FBXW8: variants seen among roughly 807,000 people sequenced by gnomAD.
FBXW8 encodes F-box and WD repeat domain containing 8.
Under a neutral mutation model 65.3 loss-of-function variants are expected in FBXW8, and 57 were observed. The observed-to-expected ratio is 0.87, with a 90% confidence interval of 0.71 to 1.09. The LOEUF (loss-of-function observed/expected upper bound fraction) is 1.09, where lower values mean the gene tolerates loss of function less well. Ranked by LOEUF, FBXW8 falls within the 50% of genes least tolerant of loss-of-function variation. The pLI, the probability that FBXW8 is intolerant of heterozygous loss-of-function variation, is 0.00. For synonymous variants in FBXW8, 308 were observed against 330.2 expected, an observed-to-expected ratio of 0.93 and a Z score of 0.73; for missense variants, 777 against 814.8, an observed-to-expected ratio of 0.95 and a Z score of 0.57.
intron 8 of FBXW8, among the ~76,000 whole-genome samples, chr12:117,021,976 G>A (rs573629424): frequency 2.0e-5 from 3 of 152,094 alleles, no homozygotes; most frequent in Non-Finnish European, 4.4e-5. Flanking sequence ...TGTTTCACTC[G>A]GATATGTAGT....
chr12:116,999,602 C>CACA (rs1172384440), intron 7 of FBXW8, among the ~76,000 whole-genome samples: 1 of 151,896 alleles, frequency 6.6e-6, no homozygotes, highest in Non-Finnish European at 1.5e-5. Context: ...GTCCACCTGT[C>CACA]AGTGCCCCTC....
intron 10 of FBXW8, 59 bp from the exon 11 acceptor site, chr12:117,027,969 G>T (rs984865759): frequency 3.0e-5 from 48 of 1,605,996 alleles, no homozygotes; most frequent in Admixed American, 5.0e-5. Context: ...GACAGAAGCG[G>T]CTGGGGTGAG....
At chr12:116,937,994 G>A (rs1882284177) in intron 2 of FBXW8, among the ~76,000 whole-genome samples, 2 of 152,082 alleles carry the variant, frequency 1.3e-5, no homozygotes, top group South Asian at 4.2e-4. Flanking sequence ...GTGTATTAAA[G>A]AAAGACCATT....
At chr12:116,963,834 T>C (rs1395662387) in intron 4 of FBXW8, among the ~76,000 whole-genome samples, 1 of 152,224 alleles carries the variant, frequency 6.6e-6, no homozygotes, top group Non-Finnish European at 1.5e-5. Flanking sequence ...CATGAGGCCC[T>C]TAAAGGCATT....
intron 1 of FBXW8, among the ~76,000 whole-genome samples, chr12:116,916,415 C>A (rs1166807625): frequency 6.6e-6 from 1 of 152,204 alleles, no homozygotes; most frequent in Admixed American, 6.5e-5. Context: ...TTGACCCCAG[C>A]ATGGGCAAGA....
At position 116,936,736 on chromosome 12, in the gene FBXW8, T is replaced by G. The variant is rs1226071763; in HGVS notation, c.423+8609T>G. On this transcript the variant is annotated intron_variant, in intron 2 of 10. Coordinates refer to ENST00000652555, the MANE Select transcript of FBXW8 (RefSeq NM_153348.3). This position sits in a 1 kb window ranked among gnomAD's most constrained non-coding sequence, Gnocchi z 4.6. ...CTGTATTGTTTTAAGCAGCTAAGTT[T>G]GTAGTAGTTTGTTAGCGCAGCCATA... Among the ~76,000 whole-genome samples, 3 of 152,266 alleles carry G rather than the reference T, an allele frequency of 2.0e-5. No individual in the cohort carries two copies. The highest frequency in any genetic ancestry group is 2.1e-4 in the South Asian group (1 of 4,812).
chr12:116,912,171 GTTTTT>G (rs57142470), intron 1 of FBXW8, among the ~76,000 whole-genome samples: 13 of 131,016 alleles, frequency 9.9e-5, no homozygotes, highest in African/African-American at 3.3e-4. Flanking sequence ...TTTTTTTCCT[GTTTTT>G]TTTTTTTTTT....
At chr12:117,001,551 A>G (rs1953520462) in intron 7 of FBXW8, among the ~76,000 whole-genome samples, 1 of 152,186 alleles carries the variant, frequency 6.6e-6, no homozygotes, top group Non-Finnish European at 1.5e-5. Context: ...AATAGTATGC[A>G]AGTTGCCTTT....
intron 7 of FBXW8, among the ~76,000 whole-genome samples, chr12:116,999,556 C>T (rs1241220774): frequency 6.6e-6 from 1 of 152,214 alleles, no homozygotes; most frequent in Non-Finnish European, 1.5e-5. Flanking sequence ...TGGCTCGCCC[C>T]TGCCCTTTCC....
chr12:117,021,824 C>T (rs539098377), intron 8 of FBXW8, among the ~76,000 whole-genome samples: 1 of 152,204 alleles, frequency 6.6e-6, no homozygotes, highest in African/African-American at 2.4e-5. Flanking sequence ...ATGGTGGTGC[C>T]AGTGCCTCAC....
chr12:116,979,016 A>G (rs1404239196), intron 5 of FBXW8: 1 of 152,218 alleles, frequency 6.6e-6, no homozygotes, highest in African/African-American at 2.4e-5. Context: ...CTAATTGTTT[A>G]GGCAAATAGC....
chr12:117,026,556 G>T (rs1388707980), intron 9 of FBXW8, among the ~76,000 whole-genome samples: 1 of 152,132 alleles, frequency 6.6e-6, no homozygotes, highest in Non-Finnish European at 1.5e-5. Flanking sequence ...TAGTCAAGGA[G>T]AGCAGCCCTG....
At chr12:116,930,676 G>C (rs1881699014) in intron 2 of FBXW8, among the ~76,000 whole-genome samples, 1 of 151,998 alleles carries the variant, frequency 6.6e-6, no homozygotes, top group African/African-American at 2.4e-5. Flanking sequence ...TGTTTTTGTT[G>C]CCTGTTCTTT....
At chr12:116,916,107 T>C (rs1880386672) in intron 1 of FBXW8, among the ~76,000 whole-genome samples, 3 of 152,176 alleles carry the variant, frequency 2.0e-5, no homozygotes, top group Admixed American at 2.0e-4. Flanking sequence ...CTACTGTTGA[T>C]GGGAATTGTT....
Position 116,912,755 on chromosome 12 carries a change from G to T in FBXW8, c.318+1400G>T, listed in dbSNP as rs80166605. Reference sequence around the variant, plus strand: ...TGGGATTACAGGCGTGAGCCACCGCGCCCGGCCGAGAATAATTCTTTTAAG... The same window carrying T: ...TGGGATTACAGGCGTGAGCCACCGCTCCCGGCCGAGAATAATTCTTTTAAG... On this transcript the variant is annotated intron_variant, in intron 1 of 10. Coordinates refer to ENST00000652555, the MANE Select transcript of FBXW8 (RefSeq NM_153348.3). Among the ~76,000 whole-genome samples, 1,161 of 152,222 alleles carry T rather than the reference G, an allele frequency of 7.6e-3. 17 individuals are homozygous for T. The highest frequency in any genetic ancestry group is 0.026 in the African/African-American group (1,077 of 41,526).
At chr12:116,987,338 C>T (rs1179680811) in intron 6 of FBXW8, 2 of 152,270 alleles carry the variant, frequency 1.3e-5, no homozygotes, top group Non-Finnish European at 2.9e-5. Context: ...TTCTATGTGT[C>T]CTCTCGTGAT....
chr12:116,928,725 C>T (rs1242682115), intron 2 of FBXW8, among the ~76,000 whole-genome samples: 35 of 152,032 alleles, frequency 2.3e-4, no homozygotes, highest in Non-Finnish European at 4.4e-5. Context: ...ATCATTTAGG[C>T]CAAACTGCAT....
At chr12:116,981,040 C>T (rs138548106) in intron 5 of FBXW8, among the ~76,000 whole-genome samples, 22 of 152,288 alleles carry the variant, frequency 1.4e-4, no homozygotes, top group African/African-American at 4.8e-4. Context: ...AAACAGGGAG[C>T]TCTGTAACTA....
chr12:116,938,703 T>C (rs539307787), intron 2 of FBXW8, among the ~76,000 whole-genome samples: 77 of 152,218 alleles, frequency 5.1e-4, no homozygotes, highest in Non-Finnish European at 8.4e-4. Context: ...ATTTTCTAGT[T>C]TGTAATCATT....
Sources: gnomAD v4.1 joint callset for allele counts (sites outside exome capture counted in the v4.1 genomes callset) on GRCh38, gnomAD v4.1.1 for gene constraint, Gnocchi (gnomAD v3.1) non-coding constraint, MANE v1.5 for transcripts, NCBI Gene and HGNC (gene_info 2026-07-23, HGNC 2026-07-21) for gene names.